ERBB4: variants seen among roughly 807,000 people sequenced by gnomAD.
The protein encoded by ERBB4 is erb-b2 receptor tyrosine kinase 4.
A neutral mutation model predicts 158.0 loss-of-function variants in ERBB4; 42 were observed. That is an observed-to-expected ratio of 0.27 (90% CI 0.21 to 0.34). The LOEUF is 0.34. Among genes scored for constraint, ERBB4 ranks in the 10% least tolerant of loss-of-function variants. The pLI is 1.00. For missense variants in ERBB4, 1,333 were observed against 1,624.1 expected (o/e 0.82, Z 3.08); for synonymous variants, 583 against 558.7 (o/e 1.04, Z -0.61).
At chr2:212,004,555 C>CCT (rs2076216299) in intron 2 of ERBB4, among the ~76,000 whole-genome samples, 1 of 152,118 alleles carries the variant, frequency 6.6e-6, no homozygotes, top group African/African-American at 2.4e-5. Context: ...ATTTCTAAGC[C>CCT]AGTCTTCCAA....
At chr2:212,374,049 TATATATATCC>T (rs1222740261) in intron 1 of ERBB4, among the ~76,000 whole-genome samples, 2 of 121,668 alleles carry the variant, frequency 1.6e-5, no homozygotes, top group Non-Finnish European at 3.7e-5. Context: ...TATATCCATA[TATATATATCC>T]ATATATATCC....
chr2:212,374,357 A>C (rs953532853), intron 1 of ERBB4, among the ~76,000 whole-genome samples: 2 of 151,960 alleles, frequency 1.3e-5, no homozygotes, highest in East Asian at 3.9e-4. Flanking sequence ...AAATAACAAA[A>C]AGATTAAGGG....
At chr2:211,995,479 A>C (rs187835479) in intron 2 of ERBB4, among the ~76,000 whole-genome samples, 157 of 152,206 alleles carry the variant, frequency 1.0e-3, no homozygotes, top group African/African-American at 3.6e-3. Context: ...TATGCTGACC[A>C]GGCTGGTCAC....
chr2:212,032,411 G>A (rs2125352076), intron 2 of ERBB4, among the ~76,000 whole-genome samples: 1 of 152,040 alleles, frequency 6.6e-6, no homozygotes, highest in East Asian at 1.9e-4. Context: ...ATTATAGAAA[G>A]CAATATGAAA....
chr2:211,741,379 C>T (rs2074789062), intron 5 of ERBB4, among the ~76,000 whole-genome samples: 2 of 151,762 alleles, frequency 1.3e-5, no homozygotes, highest in South Asian at 4.2e-4. Context: ...TAGCTATCTG[C>T]ACAACACCCC....
At chr2:212,010,876 T>C (rs7556690) in intron 2 of ERBB4, among the ~76,000 whole-genome samples, 3,773 of 152,160 alleles carry the variant, frequency 0.025, 61 homozygotes, top group Middle Eastern at 0.041. Flanking sequence ...ATATTAATAT[T>C]CCTTGCTAGG....
At chr2:212,087,162 A>G (rs1247710466) in intron 2 of ERBB4, among the ~76,000 whole-genome samples, 1 of 151,518 alleles carries the variant, frequency 6.6e-6, no homozygotes, top group Non-Finnish European at 1.5e-5. Context: ...TTATGACATC[A>G]ACACACACAT....
intron 1 of ERBB4, among the ~76,000 whole-genome samples, chr2:212,126,059 A>C (rs2079915031): frequency 6.6e-6 from 1 of 152,220 alleles, no homozygotes; most frequent in Admixed American, 6.5e-5. Flanking sequence ...CTAGAGTATC[A>C]CTGTATATAT....
chr2:211,644,289 T>G (rs2070705125), intron 16 of ERBB4, among the ~76,000 whole-genome samples: 1 of 152,084 alleles, frequency 6.6e-6, no homozygotes, highest in Non-Finnish European at 1.5e-5. Flanking sequence ...ATAACAATGT[T>G]TAGTAATATA....
At chr2:211,905,682 A>ATATATATC in intron 3 of ERBB4, among the ~76,000 whole-genome samples, 1 of 103,752 alleles carries the variant, frequency 9.6e-6, no homozygotes, top group Admixed American at 8.8e-5. Context: ...ATATATATAT[A>ATATATATC]CACACATATA....
intron 19 of ERBB4, among the ~76,000 whole-genome samples, chr2:211,611,342 G>A (rs2069187529): frequency 6.8e-6 from 1 of 146,282 alleles, no homozygotes; most frequent in African/African-American, 2.7e-5. Flanking sequence ...GGGTCATAAG[G>A]GGATATAAGC....
At chr2:211,825,982 A>T (rs953078396) in intron 3 of ERBB4, among the ~76,000 whole-genome samples, 1 of 150,622 alleles carries the variant, frequency 6.6e-6, no homozygotes, top group African/African-American at 2.4e-5. Context: ...CTTCCAAGTT[A>T]GACTAACATT....
chr2:211,640,236 A>G (rs943023474), intron 16 of ERBB4, among the ~76,000 whole-genome samples: 3 of 152,106 alleles, frequency 2.0e-5, no homozygotes, highest in African/African-American at 4.8e-5. Context: ...CTTTATTCAG[A>G]TGATGTATTT....
chr2:211,430,862 T>C (rs1466763455), intron 21 of ERBB4, 83 bp downstream of exon 21: 3 of 1,200,166 alleles, frequency 2.5e-6, no homozygotes, highest in Non-Finnish European at 3.7e-6. Flanking sequence ...TTCAGGCTTA[T>C]TGGTTTCTTG....
At chr2:211,628,822 C>A (rs910563321) in intron 17 of ERBB4, among the ~76,000 whole-genome samples, 2 of 152,170 alleles carry the variant, frequency 1.3e-5, no homozygotes, top group African/African-American at 4.8e-5. Flanking sequence ...CACATCCTCT[C>A]CAGCACCTGT....
In ERBB4 at chr2:212,124,818, A is replaced by G. The variant is rs2125571040; in HGVS notation, c.168T>C (p.Cys56=). The G allele has an allele frequency of 6.2e-7, 1 of 1,614,100 alleles. No homozygotes were observed. Among genetic ancestry groups the G allele is most frequent in the Non-Finnish European group, 8.5e-7 (1 of 1,179,948 alleles). Residue 56 remains cysteine, a synonymous_variant, in exon 2 of 28, where the codon TGT becomes TGC. Transcript: ENST00000342788. ...TCTCCAGGTTGCCCATGACAACCTC[A>G]CAGTTTTCATAGTACTTGCGCAAGG... The part of the protein sequence containing the change: ...YRALRKYYEN[C]EVVMGNLEIT...
intron 16 of ERBB4, among the ~76,000 whole-genome samples, chr2:211,634,930 C>G (rs2070302139): frequency 6.6e-6 from 1 of 152,052 alleles, no homozygotes; most frequent in Non-Finnish European, 1.5e-5. Context: ...CCTTGGCCTC[C>G]AAAAGTGCTG....
chr2:212,311,274 T>C (rs2087033224), intron 1 of ERBB4, among the ~76,000 whole-genome samples: 2 of 149,820 alleles, frequency 1.3e-5, no homozygotes, highest in South Asian at 2.1e-4. Flanking sequence ...AATAAATGAA[T>C]AGGAAAATAG....
chr2:211,956,479 G>T (rs997015908), intron 2 of ERBB4, among the ~76,000 whole-genome samples: 1 of 151,900 alleles, frequency 6.6e-6, no homozygotes, highest in African/African-American at 2.4e-5. Flanking sequence ...TTAAATTTGG[G>T]TTCTGTAGTC....
Sources: gnomAD v4.1 joint callset for allele counts (sites outside exome capture counted in the v4.1 genomes callset) on GRCh38, gnomAD v4.1.1 for gene constraint, MANE v1.5 for transcripts, NCBI Gene and HGNC (gene_info 2026-07-23, HGNC 2026-07-21) for gene names.